FGD4: variants seen among roughly 807,000 people sequenced by gnomAD.
FGD4 encodes FYVE, RhoGEF and PH domain containing 4.
In FGD4, 42 loss-of-function variants were observed where a neutral mutation model predicts 102.0. The ratio of observed to expected loss-of-function variants is 0.41; its 90% CI spans 0.32 to 0.53. The LOEUF (loss-of-function observed/expected upper bound fraction) is 0.53. FGD4 is among the 20% of genes least tolerant of loss of function. The pLI, the probability that FGD4 is intolerant of heterozygous loss-of-function variation, is 0.21. For synonymous variants in FGD4, 380 were observed against 375.7 expected, an observed-to-expected ratio of 1.01 and a Z score of -0.13; for missense variants, 902 against 1,078.2, an observed-to-expected ratio of 0.84 and a Z score of 2.29.
At chr12:32,442,652 G>A (rs891788359) in intron 1 of FGD4, among the ~76,000 whole-genome samples, 8 of 143,664 alleles carry the variant, frequency 5.6e-5, no homozygotes, top group African/African-American at 1.1e-4. Flanking sequence ...TCTGCCTCCC[G>A]GGTTCAAGCA....
chr12:32,476,873 G>A (rs959367979), intron 1 of FGD4, among the ~76,000 whole-genome samples: 1 of 152,174 alleles, frequency 6.6e-6, no homozygotes, highest in Admixed American at 6.6e-5. Context: ...GGGGGTAGTG[G>A]CAGAAGTTGT....
At chr12:32,408,329 T>C (rs2632363) in intron 1 of FGD4, among the ~76,000 whole-genome samples, 82,214 of 151,650 alleles carry the variant, frequency 0.54, 23,221 homozygotes, top group African/African-American at 0.71. Context: ...CCACCATACC[T>C]GGCTAATTCT....
chr12:32,583,410 AT>A (rs908606091), intron 4 of FGD4, among the ~76,000 whole-genome samples: 3 of 152,000 alleles, frequency 2.0e-5, no homozygotes, highest in South Asian at 2.1e-4. Flanking sequence ...AAAGCTTATG[AT>A]TTTTTTTCAA....
intron 7 of FGD4, 94 bp from the exon 8 acceptor site, chr12:32,607,863 A>G: frequency 7.1e-7 from 1 of 1,407,706 alleles, no homozygotes; most frequent in Non-Finnish European, 1.0e-6. Flanking sequence ...TTGTCGAAAA[A>G]TATTGCCCTT....
At chr12:32,486,142 CTG>C in intron 1 of FGD4, 2 of 1,526,774 alleles carry the variant, frequency 1.3e-6, no homozygotes, top group African/African-American at 1.4e-5. Context: ...TTATGGGGGG[CTG>C]TGAGTATTGT....
At chr12:32,507,612 A>G (rs1246568214) in intron 1 of FGD4, among the ~76,000 whole-genome samples, 1 of 152,150 alleles carries the variant, frequency 6.6e-6, no homozygotes, top group Admixed American at 6.5e-5. Context: ...TTCTTTTTCA[A>G]AGTCACAGTT....
chr12:32,605,320 CT>C (rs34016545), intron 7 of FGD4, among the ~76,000 whole-genome samples: 55 of 147,620 alleles, frequency 3.7e-4, no homozygotes, highest in Admixed American at 3.4e-4. Flanking sequence ...CCCTTCACTC[CT>C]TTTTTTTTTT....
At chr12:32,452,904 C>T (rs1011167886) in intron 1 of FGD4, among the ~76,000 whole-genome samples, 1 of 152,068 alleles carries the variant, frequency 6.6e-6, no homozygotes, top group Non-Finnish European at 1.5e-5. Context: ...TGGGAGATGG[C>T]TTGAGCCTAG....
intron 1 of FGD4, among the ~76,000 whole-genome samples, chr12:32,481,123 G>T (rs1478927122): frequency 3.4e-5 from 1 of 29,104 alleles, no homozygotes; most frequent in Non-Finnish European, 7.7e-5. Context: ...GTGAGACTCC[G>T]TCTCAAAAAA....
At chr12:32,600,618 A>G in intron 5 of FGD4, 2 of 255,502 alleles carry the variant, frequency 7.8e-6, no homozygotes, top group Non-Finnish European at 1.2e-5. Flanking sequence ...TCTTCAAGGT[A>G]CGTGTTACTA....
At position 32,624,460 on chromosome 12, in the gene FGD4, T is replaced by C; in HGVS notation, c.1953+8T>C. 1 of 1,596,050 alleles carries C rather than the reference T, an allele frequency of 6.3e-7. No individual in the cohort carries two copies. The highest frequency in any genetic ancestry group is 1.1e-5 in the South Asian group (1 of 89,022). ...AAAGAAGAATGGATCAAGGTAAGCCTCATTTCTGTTTCCTTTTCTTTCTTT... is the reference window on the plus strand; with the variant it reads ...AAAGAAGAATGGATCAAGGTAAGCCCCATTTCTGTTTCCTTTTCTTTCTTT... On this transcript the variant is annotated splice_region_variant and intron_variant, in intron 12 of 16. Coordinates refer to ENST00000534526, the MANE Select transcript of FGD4 (RefSeq NM_001370298.3).
chr12:32,399,698 G>A lies in FGD4; in HGVS notation c.-96G>A. On this transcript the variant is annotated 5_prime_UTR_variant, in exon 1 of 17. Transcript: ENST00000534526. ...CGCAGTAGAGGGCGCCCCCGGAGTC[G>A]CGCCGAACCTGGGCATGCAGGCGAC... 6.8e-7 allele frequency: 1 copy of A among 1,466,996 alleles called. No homozygotes were observed. The highest frequency in any genetic ancestry group is 2.4e-5 in the Admixed American group (1 of 41,998). The allele number at this position is 1,466,996 out of a possible 1,614,324, so 90.9% of individuals were successfully genotyped here.
chr12:32,599,385 TC>T (rs1277618727), intron 5 of FGD4, among the ~76,000 whole-genome samples: 1 of 138,390 alleles, frequency 7.2e-6, no homozygotes, highest in Non-Finnish European at 1.5e-5. Context: ...TCCCAGCTAC[TC>T]GGGAGGCTGA....
intron 1 of FGD4, among the ~76,000 whole-genome samples, chr12:32,438,964 G>C (rs569863720): frequency 1.3e-5 from 2 of 152,216 alleles, no homozygotes; most frequent in South Asian, 4.1e-4. Context: ...GATTTGACCA[G>C]TGTCTTCATT....
At chr12:32,409,098 C>G (rs1423052309) in intron 1 of FGD4, among the ~76,000 whole-genome samples, 1 of 152,164 alleles carries the variant, frequency 6.6e-6, no homozygotes, top group Non-Finnish European at 1.5e-5. Context: ...TTTTACTAAC[C>G]TAGCTCTTGT....
intron 1 of FGD4, among the ~76,000 whole-genome samples, chr12:32,474,648 G>A (rs1040968272): frequency 2.6e-5 from 4 of 152,218 alleles, no homozygotes; most frequent in Non-Finnish European, 5.9e-5. Flanking sequence ...GGTGGCTCAT[G>A]CCTGTAATCC....
At chr12:32,417,804 C>CT (rs1227746859) in intron 1 of FGD4, among the ~76,000 whole-genome samples, 1 of 151,956 alleles carries the variant, frequency 6.6e-6, no homozygotes, top group Non-Finnish European at 1.5e-5. Flanking sequence ...ATTTCAGTCT[C>CT]TTTGTTACAT....
chr12:32,427,789 T>C (rs1941898618), intron 1 of FGD4, among the ~76,000 whole-genome samples: 1 of 152,246 alleles, frequency 6.6e-6, no homozygotes, highest in Non-Finnish European at 1.5e-5. Context: ...GCTCTTCTTG[T>C]TGAATTGATC....
chr12:32,561,171 C>A (rs1337999885), intron 1 of FGD4, among the ~76,000 whole-genome samples: 2 of 147,356 alleles, frequency 1.4e-5, no homozygotes, highest in Non-Finnish European at 3.0e-5. Context: ...TGCAACCTCC[C>A]CCCATCCTGG....
Sources: allele counts gnomAD v4.1 joint callset (sites outside exome capture counted in the v4.1 genomes callset), GRCh38; gene constraint gnomAD v4.1.1; transcripts MANE v1.5; gene names NCBI Gene and HGNC (gene_info 2026-07-23, HGNC 2026-07-21).